The following DLGAP2 variants were observed in gnomAD, a reference collection of about 807,000 sequenced individuals.
DLGAP2 encodes DLG associated protein 2.
A neutral mutation model predicts 100.3 loss-of-function variants in DLGAP2; 26 were observed. The observed-to-expected ratio is 0.26, with a 90% CI of 0.19 to 0.36. The LOEUF is 0.36. Among genes scored for constraint, DLGAP2 ranks in the 10% least tolerant of loss-of-function variants. The pLI is 1.00. For missense variants in DLGAP2, 1,858 were observed against 1,453.2 expected, an observed-to-expected ratio of 1.28 and a Z score of -4.53; for synonymous variants, 886 against 630.1, an observed-to-expected ratio of 1.41 and a Z score of -6.08.
chr8:1,287,140 G>C (rs893745907), intron 3 of DLGAP2, among the ~76,000 whole-genome samples: 1 of 132,538 alleles, frequency 7.5e-6, no homozygotes, highest in African/African-American at 2.7e-5. Context: ...GCGTGTGTGT[G>C]TGTGTGTGTG....
intron 7 of DLGAP2, 142 bp from the exon 8 acceptor site, chr8:1,632,685 C>T (rs2130780849): frequency 2.7e-6 from 2 of 742,008 alleles, no homozygotes; most frequent in East Asian, 2.7e-5. Flanking sequence ...TCAGCCGATG[C>T]CCATGCTGAC....
At chr8:1,305,077 ATCTC>A (rs555641803) in intron 3 of DLGAP2, among the ~76,000 whole-genome samples, 1 of 152,200 alleles carries the variant, frequency 6.6e-6, no homozygotes, top group Non-Finnish European at 1.5e-5. Context: ...GACCCCAGGA[ATCTC>A]TCTCAGAAGC....
At chr8:1,439,123 A>C (rs967932603) in intron 3 of DLGAP2, among the ~76,000 whole-genome samples, 12 of 152,158 alleles carry the variant, frequency 7.9e-5, no homozygotes, top group African/African-American at 2.9e-4. Flanking sequence ...TATCCTCCCT[A>C]ATGATTTATG....
chr8:1,337,142 G>T (rs1017005600), intron 3 of DLGAP2, among the ~76,000 whole-genome samples: 9 of 149,526 alleles, frequency 6.0e-5, no homozygotes, highest in African/African-American at 5.0e-5. Flanking sequence ...GATAATGGTG[G>T]TGAGAATGAT....
At chr8:1,391,634 G>C (rs533197966) in intron 3 of DLGAP2, among the ~76,000 whole-genome samples, 2 of 152,250 alleles carry the variant, frequency 1.3e-5, no homozygotes, top group African/African-American at 2.4e-5. Context: ...GCAGGGGACT[G>C]CTCTAGAAGA....
chr8:1,149,105 C>A (rs764823116), intron 2 of DLGAP2, among the ~76,000 whole-genome samples: 2 of 152,170 alleles, frequency 1.3e-5, no homozygotes, highest in South Asian at 2.1e-4. Context: ...GATTGTCATA[C>A]CTTCCTGAAA....
At chr8:999,462 C>G (rs1800878761) in intron 2 of DLGAP2, among the ~76,000 whole-genome samples, 1 of 149,202 alleles carries the variant, frequency 6.7e-6, no homozygotes, top group Admixed American at 6.7e-5. Flanking sequence ...ACCTCTTGGT[C>G]TTGTGGTGGT....
chr8:1,069,784 CA>C (rs1803371963), intron 2 of DLGAP2, among the ~76,000 whole-genome samples: 1 of 152,150 alleles, frequency 6.6e-6, no homozygotes, highest in South Asian at 2.1e-4. Flanking sequence ...GATTCCACAA[CA>C]AGATGAGGTG....
chr8:1,066,473 A>C (rs1482824778), intron 2 of DLGAP2, among the ~76,000 whole-genome samples: 1 of 137,056 alleles, frequency 7.3e-6, no homozygotes, highest in African/African-American at 2.8e-5. Flanking sequence ...TGAGGACATG[A>C]GGACAGAGCC....
chr8:960,889 A>G (rs2129009923), intron 2 of DLGAP2, among the ~76,000 whole-genome samples: 1 of 152,362 alleles, frequency 6.6e-6, no homozygotes, highest in Non-Finnish European at 1.5e-5. Flanking sequence ...AACTGATTGT[A>G]AACTCAAAAA....
chr8:1,183,746 A>G (rs1442017482), intron 2 of DLGAP2, among the ~76,000 whole-genome samples: 2 of 152,186 alleles, frequency 1.3e-5, no homozygotes, highest in African/African-American at 2.4e-5. Flanking sequence ...AGGCATCTTT[A>G]TTAATGAATG....
chr8:1,553,499 A>G (rs1386481334), intron 5 of DLGAP2, among the ~76,000 whole-genome samples: 1 of 152,262 alleles, frequency 6.6e-6, no homozygotes, highest in Non-Finnish European at 1.5e-5. Context: ...GTTCACGGGC[A>G]GCCCCGTTAG....
intron 2 of DLGAP2, among the ~76,000 whole-genome samples, chr8:1,232,145 C>G (rs1054013193): frequency 6.6e-6 from 1 of 152,178 alleles, no homozygotes; most frequent in Non-Finnish European, 1.5e-5. Context: ...AGCACTGTCC[C>G]CTTCACGACT....
chr8:1,005,866 A>G (rs1801093689), intron 2 of DLGAP2, among the ~76,000 whole-genome samples: 1 of 152,154 alleles, frequency 6.6e-6, no homozygotes. Flanking sequence ...CAGATGTCCC[A>G]TGACTGGCAG....
chr8:1,200,383 C>T (rs750093190), intron 2 of DLGAP2, among the ~76,000 whole-genome samples: 3 of 152,226 alleles, frequency 2.0e-5, no homozygotes, highest in African/African-American at 4.8e-5. Context: ...CTGTGCTTTC[C>T]GATGTATTTC....
At chr8:1,306,893 C>G (rs896383848) in intron 3 of DLGAP2, among the ~76,000 whole-genome samples, 1 of 152,060 alleles carries the variant, frequency 6.6e-6, no homozygotes, top group Admixed American at 6.6e-5. Flanking sequence ...ATAAACAATA[C>G]TCAACAGATA....
At chr8:973,599 C>A (rs1209011531) in intron 2 of DLGAP2, among the ~76,000 whole-genome samples, 1 of 152,232 alleles carries the variant, frequency 6.6e-6, no homozygotes, top group African/African-American at 2.4e-5. Context: ...CTTTGGGAGG[C>A]CAAGGCAGGC....
intron 4 of DLGAP2, among the ~76,000 whole-genome samples, chr8:1,539,810 G>A (rs1483487109): frequency 1.3e-5 from 2 of 152,158 alleles, no homozygotes; most frequent in Non-Finnish European, 2.9e-5. Context: ...CAGCAGGTGG[G>A]ACACAGCTGT....
intron 3 of DLGAP2, among the ~76,000 whole-genome samples, chr8:1,283,933 C>T (rs538931210): frequency 1.2e-4 from 18 of 152,308 alleles, no homozygotes; most frequent in Non-Finnish European, 2.2e-4. Flanking sequence ...AATGCTAGAG[C>T]GTCCATCTGT....
Sources: gnomAD v4.1 joint callset for allele counts (sites outside exome capture counted in the v4.1 genomes callset) on GRCh38, gnomAD v4.1.1 for gene constraint, MANE v1.5 for transcripts, NCBI Gene and HGNC (gene_info 2026-07-23, HGNC 2026-07-21) for gene names.